Variants in VPS13B observed in about 807,000 individuals in gnomAD.
VPS13B encodes intermembrane lipid transfer protein VPS13B.
A neutral mutation model predicts 426.4 loss-of-function variants in VPS13B; 285 were observed. That is an observed-to-expected ratio of 0.67 (90% CI 0.61 to 0.74). The LOEUF (loss-of-function observed/expected upper bound fraction) is 0.74, where lower values mean the gene tolerates loss of function less well. Ranked by LOEUF, VPS13B falls within the 30% of genes least tolerant of loss-of-function variation. VPS13B has a pLI of 0.00. For missense variants in VPS13B, 4,537 were observed against 4,782.6 expected (o/e 0.95, Z 1.51); for synonymous variants, 1,676 against 1,676.4 (o/e 1.00, Z 0.01).
At chr8:99,870,642 A>G (rs994108927) in intron 59 of VPS13B, 143 bp from the exon 60 acceptor site, 8 of 716,382 alleles carry the variant, frequency 1.1e-5, no homozygotes, top group African/African-American at 5.3e-5. Flanking sequence ...TTTAATGATT[A>G]TCTATACGCT....
At chr8:99,759,089 C>T (rs187344196) in intron 39 of VPS13B, among the ~76,000 whole-genome samples, 5 of 152,062 alleles carry the variant, frequency 3.3e-5, no homozygotes, top group Admixed American at 2.6e-4. Flanking sequence ...TCATTCTCTC[C>T]CATTCTCACA....
At chr8:99,107,196 C>T (rs1253876656) in intron 5 of VPS13B, among the ~76,000 whole-genome samples, 2 of 152,010 alleles carry the variant, frequency 1.3e-5, no homozygotes, top group East Asian at 1.9e-4. Context: ...ATTGTAATAT[C>T]TTTGTGAGGG....
chr8:99,333,947 C>T (rs1810681269), intron 19 of VPS13B, among the ~76,000 whole-genome samples: 1 of 151,878 alleles, frequency 6.6e-6, no homozygotes, highest in Admixed American at 6.6e-5. Context: ...GGATACAGTA[C>T]AGTTTACTTC....
At chr8:99,694,743 C>T (rs1156561572) in intron 35 of VPS13B, among the ~76,000 whole-genome samples, 4 of 151,776 alleles carry the variant, frequency 2.6e-5, no homozygotes, top group Non-Finnish European at 4.4e-5. Flanking sequence ...AAGAAACCAC[C>T]ATCAGAGTGA....
chr8:99,093,769 C>T (rs1353616517), intron 3 of VPS13B, among the ~76,000 whole-genome samples: 1 of 151,980 alleles, frequency 6.6e-6, no homozygotes, highest in African/African-American at 2.4e-5. Flanking sequence ...TTTCTTAATC[C>T]AGTCTATCAT....
At chr8:99,665,362 C>G (rs1830442761) in intron 35 of VPS13B, among the ~76,000 whole-genome samples, 1 of 152,046 alleles carries the variant, frequency 6.6e-6, no homozygotes, top group African/African-American at 2.4e-5. Context: ...GTTGCCATTG[C>G]TTTTGGTGTT....
intron 29 of VPS13B, among the ~76,000 whole-genome samples, chr8:99,513,817 T>G (rs1316281751): frequency 6.6e-6 from 1 of 152,210 alleles, no homozygotes; most frequent in Non-Finnish European, 1.5e-5. Context: ...TGTTTTTTTC[T>G]GCATCTTTGG....
intron 24 of VPS13B, among the ~76,000 whole-genome samples, chr8:99,480,443 C>T (rs1819976569): frequency 6.6e-6 from 1 of 152,046 alleles, no homozygotes; most frequent in South Asian, 2.1e-4. Context: ...GTTGTTTGCA[C>T]TCTCTTTATT....
Position 99,793,254 on chromosome 8 carries a change from C to CATATATATATAT in VPS13B, c.7941+8798_7941+8809dup, listed in dbSNP as rs779913773. Among the ~76,000 whole-genome samples, 334 of 106,952 alleles carry CATATATATATAT rather than the reference C, an allele frequency of 3.1e-3. 2 individuals carry two copies. The highest frequency in any genetic ancestry group is 8.4e-3 in the East Asian group (30 of 3,562). 70.2% of individuals were successfully genotyped at this position (106,952 alleles called of 152,430 possible). On this transcript the variant is annotated intron_variant, in intron 43 of 61. Transcript: ENST00000357162. ...TTTGGAGACAGGGTCTTGCCCTCTCCATATATATATATATATATATATATA... is the reference window on the plus strand; with the variant it reads ...TTTGGAGACAGGGTCTTGCCCTCTCCATATATATATATATATATATATATATATATATATATA...
intron 17 of VPS13B, among the ~76,000 whole-genome samples, chr8:99,226,974 A>G (rs767429176): frequency 6.6e-6 from 1 of 152,142 alleles, no homozygotes; most frequent in Non-Finnish European, 1.5e-5. Context: ...TCAACATTAG[A>G]ACTTATACCT....
chr8:99,265,719 C>G (rs1229629617), intron 17 of VPS13B, among the ~76,000 whole-genome samples: 1 of 152,130 alleles, frequency 6.6e-6, no homozygotes, highest in Non-Finnish European at 1.5e-5. Flanking sequence ...TCATCTGCAT[C>G]CCTGCCTTCA....
chr8:99,370,605 C>CTTTTTTT (rs1047111709), intron 19 of VPS13B, among the ~76,000 whole-genome samples: 2 of 99,470 alleles, frequency 2.0e-5, no homozygotes, highest in Admixed American at 1.3e-4. Flanking sequence ...GAGTGAAGGG[C>CTTTTTTT]TTTTTTTTTT....
intron 19 of VPS13B, among the ~76,000 whole-genome samples, chr8:99,337,249 G>A (rs1174757286): frequency 2.6e-5 from 4 of 151,248 alleles, no homozygotes; most frequent in Non-Finnish European, 4.4e-5. Flanking sequence ...CATTCTCAGT[G>A]AAGTATCACA....
intron 19 of VPS13B, among the ~76,000 whole-genome samples, chr8:99,283,231 A>G (rs901945599): frequency 2.0e-5 from 3 of 152,228 alleles, no homozygotes; most frequent in African/African-American, 7.2e-5. Context: ...TATGAGTAAG[A>G]ATGCTTATAT....
chr8:99,617,318 TTTTG>T (rs996303718), intron 33 of VPS13B, among the ~76,000 whole-genome samples: 1 of 152,132 alleles, frequency 6.6e-6, no homozygotes, highest in African/African-American at 2.4e-5. Flanking sequence ...TTTGGGGTTT[TTTTG>T]TTTGTTTGTA....
intron 33 of VPS13B, among the ~76,000 whole-genome samples, chr8:99,596,404 C>G (rs1003430820): frequency 6.6e-6 from 1 of 152,004 alleles, no homozygotes; most frequent in Non-Finnish European, 1.5e-5. Flanking sequence ...GTCACAGACA[C>G]TCAAAATAGA....
chr8:99,648,440 T>G (rs762447877), intron 34 of VPS13B, among the ~76,000 whole-genome samples: 12 of 152,238 alleles, frequency 7.9e-5, no homozygotes, highest in Non-Finnish European at 1.8e-4. Flanking sequence ...TTAAAGTTAT[T>G]GATTTTTTAT....
At chr8:99,845,754 TA>T (rs1815949615) in intron 54 of VPS13B, among the ~76,000 whole-genome samples, 1 of 152,186 alleles carries the variant, frequency 6.6e-6, no homozygotes, top group African/African-American at 2.4e-5. Flanking sequence ...AGTCAACAAA[TA>T]TTTTTTTAAG....
Position 99,111,252 on chromosome 8 carries a change from A to G in VPS13B, c.735A>G (p.Leu245=), listed in dbSNP as rs1847349558. 2.5e-6 allele frequency: 4 copies of G among 1,603,368 alleles called. No individual in the cohort carries two copies. Among genetic ancestry groups the G allele is most frequent in the Non-Finnish European group, 3.4e-6 (4 of 1,175,978 alleles). The change falls in exon 6 of 62, where the codon CTA becomes CTG. Residue 245 remains leucine (L), a synonymous_variant. Transcript: ENST00000357162. Reference sequence around the variant, plus strand: ...GTCTTCATTTTACATATGAAAACCTAAATTCCAAGATGCCATCTGTTATTA... The same window carrying G: ...GTCTTCATTTTACATATGAAAACCTGAATTCCAAGATGCCATCTGTTATTA... ...RTRLHFTYEN[L]NSKMPSVIKI...
Sources: gnomAD v4.1 joint callset for allele counts (sites outside exome capture counted in the v4.1 genomes callset) on GRCh38, gnomAD v4.1.1 for gene constraint, MANE v1.5 for transcripts, NCBI Gene and HGNC (gene_info 2026-07-23, HGNC 2026-07-21) for gene names.